Variants in CNTNAP5 observed in about 807,000 individuals in gnomAD.
CNTNAP5 encodes contactin associated protein family member 5.
Under a neutral mutation model 150.2 loss-of-function variants are expected in CNTNAP5, and 72 were observed. That is an observed-to-expected ratio of 0.48 (90% CI 0.40 to 0.58). The LOEUF is 0.58. Ranked by LOEUF, CNTNAP5 falls within the 20% of genes least tolerant of loss-of-function variation. The pLI is 0.00. For missense variants in CNTNAP5, 1,636 were observed against 1,626.2 expected, an observed-to-expected ratio of 1.01 and a Z score of -0.10; for synonymous variants, 672 against 619.8, an observed-to-expected ratio of 1.08 and a Z score of -1.25.
chr2:124,037,032 T>C (rs1681241401), intron 1 of CNTNAP5, among the ~76,000 whole-genome samples: 2 of 152,230 alleles, frequency 1.3e-5, no homozygotes, highest in South Asian at 4.1e-4. Flanking sequence ...CCCTCATGTG[T>C]CTAGACCCAC....
At chr2:124,301,894 G>C (rs1688574499) in intron 3 of CNTNAP5, among the ~76,000 whole-genome samples, 1 of 152,216 alleles carries the variant, frequency 6.6e-6, no homozygotes, top group African/African-American at 2.4e-5. Context: ...CAAATTCATA[G>C]ATTGAATTCC....
chr2:124,613,809 C>A (rs10194805), intron 12 of CNTNAP5, among the ~76,000 whole-genome samples: 2 of 151,918 alleles, frequency 1.3e-5, no homozygotes, highest in African/African-American at 4.8e-5. Context: ...ATGTAAAAAG[C>A]CATAATCTCT....
At chr2:124,780,847 C>T (rs1681434706) in intron 17 of CNTNAP5, among the ~76,000 whole-genome samples, 1 of 152,206 alleles carries the variant, frequency 6.6e-6, no homozygotes. Context: ...CAGCCACTGA[C>T]CTTCTCTTGG....
At chr2:124,336,161 C>T (rs950183035) in intron 3 of CNTNAP5, among the ~76,000 whole-genome samples, 1 of 151,982 alleles carries the variant, frequency 6.6e-6, no homozygotes, top group Non-Finnish European at 1.5e-5. Context: ...TGAAATGGGA[C>T]CATAGTACAG....
intron 22 of CNTNAP5, among the ~76,000 whole-genome samples, chr2:124,906,918 A>G (rs1223416671): frequency 6.6e-6 from 1 of 152,098 alleles, no homozygotes; most frequent in African/African-American, 2.4e-5. Flanking sequence ...CTTAGTGTTA[A>G]CTTCCATAGT....
chr2:124,111,041 G>T (rs1683286076), intron 1 of CNTNAP5, among the ~76,000 whole-genome samples: 1 of 152,180 alleles, frequency 6.6e-6, no homozygotes, highest in African/African-American at 2.4e-5. Context: ...AGTGCGATTT[G>T]TCCAGGGTGG....
chr2:124,197,026 A>G (rs969386428), intron 1 of CNTNAP5, among the ~76,000 whole-genome samples: 7 of 152,132 alleles, frequency 4.6e-5, no homozygotes, highest in South Asian at 2.1e-4. Flanking sequence ...TCATACCTCA[A>G]TCTTTCATAT....
intron 18 of CNTNAP5, among the ~76,000 whole-genome samples, chr2:124,792,117 T>C (rs1266355192): frequency 2.6e-5 from 4 of 152,154 alleles, no homozygotes; most frequent in Non-Finnish European, 5.9e-5. Flanking sequence ...TGGCGCAGTA[T>C]ATTTCAAGGA....
intron 17 of CNTNAP5, among the ~76,000 whole-genome samples, chr2:124,783,058 C>A (rs1476368703): frequency 6.6e-6 from 1 of 152,146 alleles, no homozygotes; most frequent in Admixed American, 6.5e-5. Context: ...CCATTTAAAT[C>A]ATATTCGACC....
chr2:124,316,130 T>C (rs1420385359), intron 3 of CNTNAP5, among the ~76,000 whole-genome samples: 2 of 152,166 alleles, frequency 1.3e-5, no homozygotes, highest in Non-Finnish European at 2.9e-5. Flanking sequence ...TTGCCATAAT[T>C]ATTTGGGCCA....
intron 1 of CNTNAP5, among the ~76,000 whole-genome samples, chr2:124,178,930 ATTT>A (rs993578274): frequency 4.0e-5 from 6 of 149,504 alleles, no homozygotes; most frequent in African/African-American, 1.5e-4. Flanking sequence ...TTATTTATTT[ATTT>A]ATTTATTTAT....
intron 12 of CNTNAP5, among the ~76,000 whole-genome samples, chr2:124,620,720 A>G (rs979117739): frequency 4.7e-5 from 7 of 148,762 alleles, no homozygotes; most frequent in African/African-American, 1.7e-4. Flanking sequence ...TAGCATATAT[A>G]TATATGCTAC....
At chr2:124,645,830 G>C (rs768670245) in intron 12 of CNTNAP5, among the ~76,000 whole-genome samples, 12 of 152,160 alleles carry the variant, frequency 7.9e-5, no homozygotes, top group Non-Finnish European at 1.5e-4. Flanking sequence ...ATCAGCTTCT[G>C]GGGAGGTCTC....
chr2:124,608,204 C>A (rs1478442677), intron 11 of CNTNAP5, among the ~76,000 whole-genome samples: 1 of 152,042 alleles, frequency 6.6e-6, no homozygotes, highest in Non-Finnish European at 1.5e-5. Context: ...TTGGGAGCCA[C>A]TGAAATGTTT....
At chr2:124,064,478 C>T (rs531504447) in intron 1 of CNTNAP5, among the ~76,000 whole-genome samples, 2 of 152,208 alleles carry the variant, frequency 1.3e-5, no homozygotes, top group South Asian at 4.1e-4. Context: ...AACACCAACA[C>T]AGTCCAAACC....
At chr2:124,889,646 T>G (rs1678153686) in intron 21 of CNTNAP5, among the ~76,000 whole-genome samples, 1 of 152,150 alleles carries the variant, frequency 6.6e-6, no homozygotes, top group African/African-American at 2.4e-5. Flanking sequence ...TGCTCCTTTA[T>G]GATATAGCTG....
intron 3 of CNTNAP5, among the ~76,000 whole-genome samples, chr2:124,339,296 A>C (rs1689551368): frequency 6.6e-6 from 1 of 152,130 alleles, no homozygotes; most frequent in Non-Finnish European, 1.5e-5. Context: ...TGTCAGGGAG[A>C]CAAATGAAAG....
chr2:124,908,217 A>AAAAATT (rs1247644035), intron 22 of CNTNAP5, among the ~76,000 whole-genome samples: 1 of 151,946 alleles, frequency 6.6e-6, no homozygotes, highest in Non-Finnish European at 1.5e-5. Context: ...CTAAAAATAC[A>AAAAATT]AAAATTAGCT....
intron 3 of CNTNAP5, among the ~76,000 whole-genome samples, chr2:124,249,326 G>T (rs1687112249): frequency 6.6e-6 from 1 of 152,088 alleles, no homozygotes; most frequent in Admixed American, 6.6e-5. Context: ...TTTCCCCTTT[G>T]TTTTCCTTCC....
Sources: allele counts gnomAD v4.1 joint callset (sites outside exome capture counted in the v4.1 genomes callset), GRCh38; gene constraint gnomAD v4.1.1; transcripts MANE v1.5; gene names NCBI Gene and HGNC (gene_info 2026-07-23, HGNC 2026-07-21).